Variants in PLEKHG3 observed in about 807,000 individuals in gnomAD.
PLEKHG3 encodes pleckstrin homology domain-containing family G member 3.
A neutral mutation model predicts 94.9 loss-of-function variants in PLEKHG3; 62 were observed. The ratio of observed to expected loss-of-function variants is 0.65; its 90% CI spans 0.53 to 0.81. The LOEUF is 0.81. Ranked by LOEUF, PLEKHG3 falls within the 30% of genes least tolerant of loss-of-function variation. The pLI is 0.00. For synonymous variants in PLEKHG3, 614 were observed against 654.0 expected, an observed-to-expected ratio of 0.94 and a Z score of 0.93; for missense variants, 1,461 against 1,619.3, an observed-to-expected ratio of 0.90 and a Z score of 1.68.
chr14:64,710,142 C>T (rs566649620), intron 1 of PLEKHG3, among the ~76,000 whole-genome samples: 1 of 152,148 alleles, frequency 6.6e-6, no homozygotes, highest in Admixed American at 6.5e-5. Context: ...GTATTTATAG[C>T]GTTGGATATA....
rs193182050 is a variant in PLEKHG3 at position 64,730,227 on chromosome 14, C to A, written c.450-16C>A. The stretch of plus-strand genomic sequence containing the variant: ...CTGACTGCAGAGGGTACAGTGGCTG[C>A]TCTCCCCTCACCCAGCCAGCTCCTC... On this transcript the variant is annotated splice_polypyrimidine_tract_variant and intron_variant, in intron 3 of 16. Coordinates refer to ENST00000247226, the MANE Select transcript of PLEKHG3 (RefSeq NM_001308147.2). This position sits in a 1 kb window ranked among gnomAD's most constrained non-coding sequence, Gnocchi z 5.4. The A allele has an allele frequency of 7.1e-4, 1,054 of 1,478,662 alleles. 7 individuals carry two copies. The African/African-American group carries it at 0.013, about 18-fold the overall frequency. 91.6% of individuals were successfully genotyped at this position (1,478,662 alleles called of 1,614,324 possible).
At position 64,743,022 on chromosome 14, in the gene PLEKHG3, G is replaced by T. The variant is rs141452740; in HGVS notation, c.2979G>T (p.Gln993His). The T allele has an allele frequency of 6.2e-7, 1 of 1,613,126 alleles. No homozygotes were observed. The highest frequency in any genetic ancestry group is 8.5e-7 in the Non-Finnish European group (1 of 1,179,826). ...TGCTGTCTCTATTTGACTATGAGCA[G>T]CTGATGGCCCAGGAGCACAGCCCTC... Reference protein sequence around the residue: ...KPVLSLFDYEQLMAQEHSPPK... With the variant: ...KPVLSLFDYEHLMAQEHSPPK... Residue 993 changes from glutamine to histidine, a missense_variant, in exon 17 of 17, where the codon CAG becomes CAT. Gln to His is a conservative substitution (Grantham distance 24). Around this residue, in one of 3 missense-constraint regions of PLEKHG3, gnomAD observed 1,201 missense variants for 1,295.5 expected, o/e 0.93. Coordinates refer to ENST00000247226, the MANE Select transcript of PLEKHG3 (RefSeq NM_001308147.2). The surrounding 1 kb of genome is among the most constrained non-coding windows in gnomAD (Gnocchi z 7.2).
At chr14:64,711,275 C>T in intron 1 of PLEKHG3, among the ~76,000 whole-genome samples, 1 of 152,190 alleles carries the variant, frequency 6.6e-6, no homozygotes, top group East Asian at 1.9e-4. Flanking sequence ...TGCCCTCTCT[C>T]TACAGAGGTT....
At position 64,743,259 on chromosome 14, in the gene PLEKHG3, C is replaced by A; in HGVS notation, c.3216C>A (p.Arg1072=). ...GCCGAGCAGGGGGCGGCCGGCCCCG[C>A]GGCCCACCCGTCAACAGGAGCCACT... is the stretch of plus-strand genomic sequence containing the variant. The part of the protein sequence containing the change: ...EARRAGGGRP[R]GPPVNRSHSV... Residue 1072 remains arginine (R), a synonymous_variant, in exon 17 of 17, where the codon CGC becomes CGA. Transcript: ENST00000247226. This position sits in a 1 kb window ranked among gnomAD's most constrained non-coding sequence, Gnocchi z 7.2. The A allele has an allele frequency of 6.2e-7, 1 of 1,605,976 alleles. No homozygotes were observed. Among genetic ancestry groups the A allele is most frequent in the South Asian group, 1.1e-5 (1 of 90,774 alleles).
rs1286976380 is a variant in PLEKHG3, at chr14:64,728,154, G to T, written c.351+172G>T. Among the ~76,000 whole-genome samples the T allele has an allele frequency of 6.6e-6, 1 of 152,230 alleles. No homozygotes were observed. The highest frequency in any genetic ancestry group is 2.4e-5 in the African/African-American group (1 of 41,466). On this transcript the variant is annotated intron_variant, in intron 2 of 16. Transcript: ENST00000247226. The surrounding 1 kb of genome is among the most constrained non-coding windows in gnomAD (Gnocchi z 5.9). ...CCCCTGAGGCTTCCCTAGGACCTTG[G>T]GCCAGATCAGTAGCTTGGGCCGACA...
chr14:64,727,513 C>G lies in PLEKHG3; in HGVS notation c.-39-80C>G. 3.7e-6 allele frequency: 2 copies of G among 538,566 alleles called. No individual in the cohort carries two copies. The highest frequency in any genetic ancestry group is 6.9e-6 in the Non-Finnish European group (2 of 291,352). 33.4% of individuals were successfully genotyped at this position (538,566 alleles called of 1,614,324 possible). A position where few individuals can be genotyped will look rare whatever the true frequency, so the allele number is the denominator to read the frequency against. Reference sequence around the variant, plus strand: ...ATAATACCTTCCCACCCCACCTGCCCCCACCCCTGGCAACCGTCCCTCTGT... The same window carrying G: ...ATAATACCTTCCCACCCCACCTGCCGCCACCCCTGGCAACCGTCCCTCTGT... On this transcript the variant is annotated intron_variant, in intron 1 of 16. Coordinates refer to ENST00000247226, the MANE Select transcript of PLEKHG3 (RefSeq NM_001308147.2). The surrounding 1 kb of genome is among the most constrained non-coding windows in gnomAD (Gnocchi z 6.0).
chr14:64,712,789 C>G (rs889571205), intron 1 of PLEKHG3, among the ~76,000 whole-genome samples: 1 of 152,110 alleles, frequency 6.6e-6, no homozygotes, highest in East Asian at 1.9e-4. Flanking sequence ...CCTTTTCAAC[C>G]CAGATCTCTT....
At chr14:64,742,556 T>C (rs1229714277) in intron 16 of PLEKHG3, 101 bp downstream of exon 16, 3 of 869,616 alleles carry the variant, frequency 3.4e-6, no homozygotes, top group Non-Finnish European at 5.2e-6. Flanking sequence ...CTAAGGAGGC[T>C]CTACCAAAGG....
At chr14:64,737,023 C>A in intron 13 of PLEKHG3, 132 bp downstream of exon 13, 1 of 771,830 alleles carries the variant, frequency 1.3e-6, no homozygotes, top group African/African-American at 1.7e-5. Context: ...ACTCTGCCTC[C>A]ATTCCCCCCA....
In PLEKHG3 at chr14:64,732,582, G is replaced by T; in HGVS notation, c.1246+122G>T. 5 of 885,064 alleles carry T rather than the reference G, an allele frequency of 5.6e-6. No individual in the cohort carries two copies. The highest frequency in any genetic ancestry group is 2.4e-5 in the East Asian group (1 of 41,642). The allele number at this position is 885,064 out of a possible 1,614,324, so 54.8% of individuals were successfully genotyped here. ...GGAGCAGGGAGGGCGGGGGTCTCCT[G>T]TTAAGGGCTGGGGGGTGAACTACAT... On this transcript the variant is annotated intron_variant, in intron 11 of 16. Transcript: ENST00000247226. This position sits in a 1 kb window ranked among gnomAD's most constrained non-coding sequence, Gnocchi z 4.9.
chr14:64,738,030 G>A lies in PLEKHG3; in HGVS notation c.1404+655G>A. 7.8e-7 allele frequency: 1 copy of A among 1,289,494 alleles called. No individual in the cohort carries two copies. Among genetic ancestry groups the A allele is most frequent in the Non-Finnish European group, 1.0e-6 (1 of 989,460 alleles). The allele number at this position is 1,289,494 out of a possible 1,614,324, so 79.9% of individuals were successfully genotyped here. ...AGAGCAGGCCTTTCAGGTCTCTCTGGAGGACCTGACAGGGCATGAAGGCAA... is the reference window on the plus strand; with the variant it reads ...AGAGCAGGCCTTTCAGGTCTCTCTGAAGGACCTGACAGGGCATGAAGGCAA... On this transcript the variant is annotated intron_variant, in intron 14 of 16. Transcript: ENST00000247226. This position sits in a 1 kb window ranked among gnomAD's most constrained non-coding sequence, Gnocchi z 4.8.
chr14:64,737,348 G>A lies in PLEKHG3; in HGVS notation c.1385-8G>A, dbSNP rs759668661. 7 of 1,604,496 alleles carry A rather than the reference G, an allele frequency of 4.4e-6. No homozygotes were observed. The highest frequency in any genetic ancestry group is 1.3e-5 in the African/African-American group (1 of 74,688). On this transcript the variant is annotated splice_polypyrimidine_tract_variant and splice_region_variant and intron_variant, in intron 13 of 16. Coordinates refer to ENST00000247226, the MANE Select transcript of PLEKHG3 (RefSeq NM_001308147.2). ...GTGTGCTGGGGGACCCGGTGGTGAT[G>A]TCTGCAGCCCGAGCAGCAGGAATGA...
intron 3 of PLEKHG3, 34 bp downstream of exon 3, chr14:64,729,127 G>T: frequency 2.0e-6 from 2 of 980,942 alleles, no homozygotes; most frequent in Non-Finnish European, 3.1e-6. Flanking sequence ...ACCATGTTCT[G>T]CCTGCGAGGC....
In PLEKHG3 at chr14:64,743,203, T is replaced by G. The variant is rs1418257167; in HGVS notation, c.3160T>G (p.Cys1054Gly). The change falls in exon 17 of 17, where the codon TGC becomes GGC. Residue 1054 changes from cysteine (C) to glycine (G), a missense_variant. By Grantham distance (159) the Cys-to-Gly change is radical. This residue lies in a region of PLEKHG3 where 1,201 missense variants were observed against 1,295.5 expected (regional missense o/e 0.93). Coordinates refer to ENST00000247226, the MANE Select transcript of PLEKHG3 (RefSeq NM_001308147.2). This position sits in a 1 kb window ranked among gnomAD's most constrained non-coding sequence, Gnocchi z 7.2. ...CAGCTGGCCCGACGTCCGTGAGCTC[T>G]GCTCCAAGTATGCCTCCCGCGATGA... The part of the protein sequence containing the change: ...TFSWPDVREL[C>G]SKYASRDEAR... 1.9e-6 allele frequency: 3 copies of G among 1,610,020 alleles called. No homozygotes were observed. Among genetic ancestry groups the G allele is most frequent in the Non-Finnish European group, 2.5e-6 (3 of 1,179,870 alleles).
rs1486360369 is a variant in PLEKHG3 at position 64,749,747 on chromosome 14, T to A, written c.*6044T>A. ...ATGGAGACACCTCTGGAGGGGGCGC[T>A]GGGCAGAGGGCTGGCTCTGATCCCA... On this transcript the variant is annotated 3_prime_UTR_variant, in exon 17 of 17. Transcript: ENST00000247226. The surrounding 1 kb of genome is among the most constrained non-coding windows in gnomAD (Gnocchi z 4.7). 1.1e-5 allele frequency: 18 copies of A among 1,600,946 alleles called. No individual in the cohort carries two copies. The highest frequency in any genetic ancestry group is 1.5e-5 in the Non-Finnish European group (18 of 1,172,774).
In PLEKHG3 at chr14:64,740,942, C is replaced by A. The variant is rs559017975; in HGVS notation, c.1519-94C>A. 3.2e-5 allele frequency: 33 copies of A among 1,028,420 alleles called. 1 individual carries two copies. The African/African-American group carries it at 5.1e-4, about 16-fold the overall frequency. The allele number at this position is 1,028,420 out of a possible 1,614,324, so 63.7% of individuals were successfully genotyped here. On this transcript the variant is annotated intron_variant, in intron 15 of 16. Coordinates refer to ENST00000247226, the MANE Select transcript of PLEKHG3 (RefSeq NM_001308147.2). ...TGAGTCCTAAACTACAGGTCCCTGT[C>A]ATTGGGCCTTGAGCAGGCCATGCTG...
intron 1 of PLEKHG3, among the ~76,000 whole-genome samples, chr14:64,713,449 T>C (rs1239782979): frequency 2.0e-5 from 3 of 152,246 alleles, no homozygotes; most frequent in Non-Finnish European, 4.4e-5. Context: ...TTGGAAGTTT[T>C]AAAGTTACTA....
intron 1 of PLEKHG3, among the ~76,000 whole-genome samples, chr14:64,707,868 T>C (rs229660): frequency 0.16 from 23,829 of 152,218 alleles, 2,017 homozygotes; most frequent in African/African-American, 0.2. Context: ...CTGTGTTTCT[T>C]ACCCAACGTG....
Position 64,715,291 on chromosome 14 carries a change from G to T in PLEKHG3, c.-40+10587G>T, listed in dbSNP as rs767636664. Among the ~76,000 whole-genome samples, 14 of 152,126 alleles carry T rather than the reference G, an allele frequency of 9.2e-5. No homozygotes were observed. Among genetic ancestry groups the T allele is most frequent in the Non-Finnish European group, 1.9e-4 (13 of 68,016 alleles). ...GATGGCCTTCTTGGCTTCGTCTCTC[G>T]GGCCATGTGGGAGGTTGTGGAGAGA... On this transcript the variant is annotated intron_variant, in intron 1 of 16. Coordinates refer to ENST00000247226, the MANE Select transcript of PLEKHG3 (RefSeq NM_001308147.2). This position sits in a 1 kb window ranked among gnomAD's most constrained non-coding sequence, Gnocchi z 4.4.
Sources: gnomAD v4.1 joint callset for allele counts (sites outside exome capture counted in the v4.1 genomes callset) on GRCh38, gnomAD v4.1.1 for gene constraint, gnomAD v4.1.1 regional missense constraint, Gnocchi (gnomAD v3.1) non-coding constraint, MANE v1.5 for transcripts, NCBI Gene and HGNC (gene_info 2026-07-23, HGNC 2026-07-21) for gene names.